The following PACRG variants were observed in gnomAD, a reference collection of about 807,000 sequenced individuals.
PACRG encodes the protein parkin coregulated gene protein.
In PACRG, 29 loss-of-function variants were observed where a neutral mutation model predicts 29.7. The observed-to-expected ratio is 0.98, with a 90% CI of 0.73 to 1.33. The LOEUF is 1.33. Ranked by LOEUF, PACRG falls within the 40% of genes most tolerant of loss-of-function variation. The pLI, the probability that PACRG is intolerant of heterozygous loss-of-function variation, is 0.00. For missense variants in PACRG, 279 were observed against 316.2 expected, an observed-to-expected ratio of 0.88 and a Z score of 0.89; for synonymous variants, 116 against 118.7, an observed-to-expected ratio of 0.98 and a Z score of 0.15.
intron 2 of PACRG, among the ~76,000 whole-genome samples, chr6:162,883,257 C>T (rs1468363282): frequency 1.3e-5 from 2 of 152,058 alleles, no homozygotes; most frequent in Non-Finnish European, 1.5e-5. Context: ...CTGTCTGGCA[C>T]ATGAAATATC....
chr6:163,083,820 T>G (rs1813294162), intron 3 of PACRG, among the ~76,000 whole-genome samples: 2 of 152,214 alleles, frequency 1.3e-5, no homozygotes, highest in Non-Finnish European at 2.9e-5. Context: ...TGTTTCTTGT[T>G]TTAAAAGAAG....
At chr6:163,272,120 C>A (rs1462039282) in intron 4 of PACRG, among the ~76,000 whole-genome samples, 1 of 151,006 alleles carries the variant, frequency 6.6e-6, no homozygotes, top group Non-Finnish European at 1.5e-5. Context: ...CTCACTGCAA[C>A]CTCCACCTCC....
intron 1 of PACRG, among the ~76,000 whole-genome samples, chr6:162,811,802 A>T (rs1017631391): frequency 1.3e-5 from 2 of 152,050 alleles, no homozygotes; most frequent in African/African-American, 4.8e-5. Flanking sequence ...TAGGTTGACA[A>T]CCCCTTATCT....
chr6:163,123,465 C>T (rs1270633922), intron 4 of PACRG, among the ~76,000 whole-genome samples: 1 of 152,116 alleles, frequency 6.6e-6, no homozygotes, highest in African/African-American at 2.4e-5. Context: ...AGGAAAATTC[C>T]ACCAAGAACT....
intron 1 of PACRG, 51 bp from the exon 2 acceptor site, chr6:162,814,096 T>A (rs1787114254): frequency 2.0e-6 from 3 of 1,511,728 alleles, no homozygotes; most frequent in East Asian, 2.3e-5. Context: ...TATTATGAAT[T>A]TTTTTAGTAT....
intron 1 of PACRG, among the ~76,000 whole-genome samples, chr6:162,809,308 T>A (rs1373435606): frequency 6.6e-6 from 1 of 151,814 alleles, no homozygotes; most frequent in Non-Finnish European, 1.5e-5. Context: ...AAGTATAAAG[T>A]GTTTAAAAAT....
At chr6:163,012,844 G>A (rs1412535671) in intron 2 of PACRG, among the ~76,000 whole-genome samples, 1 of 152,194 alleles carries the variant, frequency 6.6e-6, no homozygotes, top group African/African-American at 2.4e-5. Context: ...CACTACAGGT[G>A]TAGAGCGAGT....
chr6:163,107,004 T>C (rs1340174447), intron 4 of PACRG, among the ~76,000 whole-genome samples: 2 of 152,136 alleles, frequency 1.3e-5, no homozygotes, highest in Non-Finnish European at 2.9e-5. Flanking sequence ...CAAATAATGA[T>C]CAAGAAGAAA....
chr6:162,794,262 C>G (rs1785187703), intron 1 of PACRG, among the ~76,000 whole-genome samples: 1 of 152,068 alleles, frequency 6.6e-6, no homozygotes, highest in Non-Finnish European at 1.5e-5. Context: ...TTATACTCTT[C>G]TGTTGTTACT....
At chr6:163,198,797 C>T (rs1311942338) in intron 4 of PACRG, among the ~76,000 whole-genome samples, 3 of 152,134 alleles carry the variant, frequency 2.0e-5, no homozygotes, top group Admixed American at 6.5e-5. Flanking sequence ...GAAGTTGTGA[C>T]GACGTGTGCC....
chr6:163,280,640 G>A (rs1048622665), intron 4 of PACRG, among the ~76,000 whole-genome samples: 2 of 152,130 alleles, frequency 1.3e-5, no homozygotes, highest in African/African-American at 4.8e-5. Flanking sequence ...ATCAAGGTTC[G>A]GCCAATTTAG....
intron 4 of PACRG, among the ~76,000 whole-genome samples, chr6:163,218,149 A>T (rs1781436425): frequency 6.6e-6 from 1 of 152,136 alleles, no homozygotes; most frequent in African/African-American, 2.4e-5. Flanking sequence ...AAGAAAACAG[A>T]AACTATCACA....
chr6:163,256,880 T>C (rs1176890015), intron 4 of PACRG, among the ~76,000 whole-genome samples: 2 of 152,282 alleles, frequency 1.3e-5, no homozygotes, highest in African/African-American at 4.8e-5. Flanking sequence ...AATCAAGGTG[T>C]TGGCCATGTC....
chr6:162,777,193 A>G lies in PACRG; in HGVS notation c.157-36954A>G, dbSNP rs201527523. On this transcript the variant is annotated intron_variant, in intron 1 of 4. Coordinates refer to ENST00000366888, the MANE Select transcript of PACRG (RefSeq NM_001080379.2). This position sits in a 1 kb window ranked among gnomAD's most constrained non-coding sequence, Gnocchi z 4.0. ...TGATCTCTCTTCAGGGGCCTCTTCA[A>G]AAGTTCAGTATCAGACTCACTTGGC... 4.6e-5 allele frequency among the ~76,000 whole-genome samples: 7 copies of G among 152,342 alleles called. No homozygotes were observed. The highest frequency in any genetic ancestry group is 4.1e-4 in the South Asian group (2 of 4,826).
intron 4 of PACRG, chr6:163,312,881 T>C: frequency 2.7e-6 from 1 of 364,964 alleles, no homozygotes. Context: ...GCCTCTCAAG[T>C]AGCTGAGATT....
intron 4 of PACRG, among the ~76,000 whole-genome samples, chr6:163,285,179 C>G (rs1469084741): frequency 6.6e-6 from 1 of 152,082 alleles, no homozygotes; most frequent in Non-Finnish European, 1.5e-5. Context: ...CCAGACACCC[C>G]TCTCCCCACC....
intron 2 of PACRG, among the ~76,000 whole-genome samples, chr6:162,901,406 G>A (rs975418338): frequency 1.3e-5 from 2 of 152,162 alleles, no homozygotes; most frequent in Non-Finnish European, 2.9e-5. Flanking sequence ...GGCTTTTAAG[G>A]TTTCTTTCAA....
intron 4 of PACRG, among the ~76,000 whole-genome samples, chr6:163,149,715 T>C (rs1309507349): frequency 1.3e-5 from 2 of 152,022 alleles, no homozygotes; most frequent in African/African-American, 4.8e-5. Context: ...CCAACACCTG[T>C]GAGCTCCAGA....
At chr6:162,842,674 G>T (rs1789907547) in intron 2 of PACRG, among the ~76,000 whole-genome samples, 1 of 113,400 alleles carries the variant, frequency 8.8e-6, no homozygotes, top group Non-Finnish European at 1.7e-5. Flanking sequence ...GTTAGTTGAT[G>T]CAGTTTCTTC....
Sources: gnomAD v4.1 joint callset for allele counts (sites outside exome capture counted in the v4.1 genomes callset) on GRCh38, gnomAD v4.1.1 for gene constraint, Gnocchi (gnomAD v3.1) non-coding constraint, MANE v1.5 for transcripts, NCBI Gene and HGNC (gene_info 2026-07-23, HGNC 2026-07-21) for gene names.